Variants in HOOK1 observed in about 807,000 individuals in gnomAD.
HOOK1 encodes the protein protein Hook homolog 1.
Under a neutral mutation model 112.8 loss-of-function variants are expected in HOOK1, and 60 were observed. That is an observed-to-expected ratio of 0.53 (90% CI 0.43 to 0.66). HOOK1 has a LOEUF of 0.66. Ranked by LOEUF, HOOK1 falls within the 30% of genes least tolerant of loss-of-function variation. The probability of loss-of-function intolerance (pLI) is 0.00; values close to 1 mark genes in which losing one functional copy is unlikely to be tolerated. For synonymous variants in HOOK1, 294 were observed against 283.8 expected (o/e 1.04, Z -0.36); for missense variants, 770 against 856.0 (o/e 0.90, Z 1.25).
In HOOK1 at chr1:59,847,178, G is replaced by A. The variant is rs1201640282; in HGVS notation, c.922G>A (p.Val308Ile). Reference protein sequence around the residue: ...ETRALKDEIDVLRATSDKANK... With the variant: ...ETRALKDEIDILRATSDKANK... ...AAGAGCCCTGAAAGATGAAATAGATGTTCTTAGGTATGGCATGTCTTAAAA... is the reference window on the plus strand; with the variant it reads ...AAGAGCCCTGAAAGATGAAATAGATATTCTTAGGTATGGCATGTCTTAAAA... The change falls in exon 10 of 22, where the codon GTT (valine) becomes ATT (isoleucine). Residue 308 changes from valine to isoleucine, a missense_variant. Transcript: ENST00000371208. The A allele has an allele frequency of 5.0e-6, 8 of 1,601,522 alleles. No individual in the cohort carries two copies. The highest frequency in any genetic ancestry group is 6.0e-6 in the Non-Finnish European group (7 of 1,174,914).
rs368374647 is a variant in HOOK1, at chr1:59,871,114, A to G, written c.2016+4A>G. 5.3e-5 allele frequency: 85 copies of G among 1,605,336 alleles called. No homozygotes were observed. The highest frequency in any genetic ancestry group is 7.2e-5 in the Non-Finnish European group (84 of 1,173,140). On this transcript the variant is annotated splice_donor_region_variant and intron_variant, in intron 21 of 21. Transcript: ENST00000371208. ...TGTTTCTGCGTGGTATAATAAGGTG[A>G]GCTGAAGTTCAGCAAATGATTGGAT...
intron 20 of HOOK1, 150 bp downstream of exon 20, chr1:59,868,501 A>C: frequency 3.1e-6 from 2 of 640,838 alleles, no homozygotes; most frequent in Non-Finnish European, 2.8e-6. Flanking sequence ...AAAGCATCTC[A>C]CTGGCCGCCC....
At chr1:59,829,105 T>A (rs1456018815) in intron 3 of HOOK1, among the ~76,000 whole-genome samples, 1 of 152,116 alleles carries the variant, frequency 6.6e-6, no homozygotes, top group Non-Finnish European at 1.5e-5. Context: ...TAGCTATAGA[T>A]CTGTTTTATG....
chr1:59,863,304 A>C (rs1297390115), intron 16 of HOOK1, among the ~76,000 whole-genome samples: 1 of 152,162 alleles, frequency 6.6e-6, no homozygotes, highest in African/African-American at 2.4e-5. Context: ...ATAGGAAAAG[A>C]GAGAATGGGA....
chr1:59,826,851 C>T (rs1340467103), intron 2 of HOOK1, among the ~76,000 whole-genome samples: 1 of 152,236 alleles, frequency 6.6e-6, no homozygotes, highest in Non-Finnish European at 1.5e-5. Flanking sequence ...CAACTTCTGT[C>T]TCCTGAGTTC....
intron 1 of HOOK1, chr1:59,815,426 C>T (rs1383309724): frequency 1.8e-6 from 1 of 556,380 alleles, no homozygotes; most frequent in Non-Finnish European, 3.2e-6. Flanking sequence ...AGGCTCTGGT[C>T]TCAACCAGAG....
At chr1:59,818,324 C>G (rs2098383056) in intron 1 of HOOK1, among the ~76,000 whole-genome samples, 2 of 152,116 alleles carry the variant, frequency 1.3e-5, no homozygotes, top group Non-Finnish European at 1.5e-5. Flanking sequence ...AGAATGGAGC[C>G]AACATCAACA....
At chr1:59,832,265 C>T (rs1376275992) in intron 4 of HOOK1, 52 bp downstream of exon 4, 1 of 1,055,420 alleles carries the variant, frequency 9.5e-7, no homozygotes, top group South Asian at 1.5e-5. Flanking sequence ...ACGAAAATTA[C>T]TTTAAGACTG....
In HOOK1 at chr1:59,847,102, A is replaced by G. The variant is rs1208898724; in HGVS notation, c.846A>G (p.Leu282=). ...ACTGTGAAGAACTTGAAAAGCAGCT[A>G]ATCGAATTCCAGCATAGGAATGATG... ...RVHCEELEKQ[L]IEFQHRNDEL... The change falls in exon 10 of 22, where the codon CTA becomes CTG. Residue 282 remains leucine, a synonymous_variant. Coordinates refer to ENST00000371208, the MANE Select transcript of HOOK1 (RefSeq NM_015888.6). The G allele has an allele frequency of 1.9e-6, 3 of 1,609,338 alleles. No homozygotes were observed. Among genetic ancestry groups the G allele is most frequent in the East Asian group, 4.5e-5 (2 of 44,680 alleles).
At chr1:59,834,198 C>T (rs1434018752) in intron 5 of HOOK1, among the ~76,000 whole-genome samples, 1 of 152,052 alleles carries the variant, frequency 6.6e-6, no homozygotes, top group Non-Finnish European at 1.5e-5. Context: ...ATGATTCATC[C>T]AAACTTGTTC....
chr1:59,857,490 A>C (rs1361999969), intron 12 of HOOK1, among the ~76,000 whole-genome samples: 1 of 152,188 alleles, frequency 6.6e-6, no homozygotes, highest in Non-Finnish European at 1.5e-5. Context: ...ATAATGACAA[A>C]TGTGCTAGTG....
intron 12 of HOOK1, among the ~76,000 whole-genome samples, chr1:59,854,451 C>T (rs952217111): frequency 7.9e-5 from 12 of 151,150 alleles, no homozygotes; most frequent in Non-Finnish European, 1.6e-4. Flanking sequence ...TGAAGGACTC[C>T]TTTTAGTATT....
intron 14 of HOOK1, among the ~76,000 whole-genome samples, 158 bp from the exon 15 acceptor site, chr1:59,860,030 G>A (rs1200327513): frequency 6.6e-6 from 1 of 152,030 alleles, no homozygotes; most frequent in Non-Finnish European, 1.5e-5. Context: ...GCTTTTGTTG[G>A]AGTTTAAGAG....
intron 16 of HOOK1, among the ~76,000 whole-genome samples, chr1:59,864,358 T>C (rs1049734915): frequency 2.0e-5 from 3 of 152,024 alleles, no homozygotes; most frequent in African/African-American, 7.2e-5. Context: ...AAGTTCAGAT[T>C]TAATTTTTAT....
Position 59,858,491 on chromosome 1 carries a change from C to A in HOOK1, c.1306C>A (p.Gln436Lys). The change falls in exon 13 of 22, where the codon CAA becomes AAA. Residue 436 changes from glutamine (Q) to lysine (K), a missense_variant. This residue lies in a region of HOOK1 where 655 missense variants were observed against 725.9 expected (regional missense o/e 0.90). Coordinates refer to ENST00000371208, the MANE Select transcript of HOOK1 (RefSeq NM_015888.6). ...TNEELRCSQV[Q>K]QDHLNQTDAS... is the part of the protein sequence containing the mutation. ...TGAAGAGCTTCGATGTTCACAAGTA[C>A]AACAGGACCACCTAAACCAAACAGG... 1 of 1,612,142 alleles carries A rather than the reference C, an allele frequency of 6.2e-7. No homozygotes were observed. Among genetic ancestry groups the A allele is most frequent in the Non-Finnish European group, 8.5e-7 (1 of 1,178,244 alleles).
chr1:59,862,533 G>A (rs1016823489), intron 15 of HOOK1, among the ~76,000 whole-genome samples: 1 of 152,008 alleles, frequency 6.6e-6, no homozygotes, highest in African/African-American at 2.4e-5. Context: ...TTTTGCCACC[G>A]ACATTTAAGT....
At chr1:59,870,956 TA>T (rs1444818240) in intron 20 of HOOK1, 85 bp from the exon 21 acceptor site, 1 of 886,518 alleles carries the variant, frequency 1.1e-6, no homozygotes, top group African/African-American at 1.7e-5. Flanking sequence ...ATTCTCTCAA[TA>T]ATGAACATAG....
intron 2 of HOOK1, among the ~76,000 whole-genome samples, chr1:59,824,284 T>G (rs2098388224): frequency 6.6e-6 from 1 of 151,892 alleles, no homozygotes; most frequent in Non-Finnish European, 1.5e-5. Flanking sequence ...CACGGCCCAC[T>G]GCAACCTCCG....
At chr1:59,867,588 A>G (rs1643988999) in intron 19 of HOOK1, among the ~76,000 whole-genome samples, 1 of 152,310 alleles carries the variant, frequency 6.6e-6, no homozygotes, top group South Asian at 2.1e-4. Context: ...CTTGAAATAT[A>G]TTCTTGACAT....
Sources: gnomAD v4.1 joint callset for allele counts (sites outside exome capture counted in the v4.1 genomes callset) on GRCh38, gnomAD v4.1.1 for gene constraint, gnomAD v4.1.1 regional missense constraint, MANE v1.5 for transcripts, NCBI Gene and HGNC (gene_info 2026-07-23, HGNC 2026-07-21) for gene names.